GALNT3: variants seen among roughly 807,000 people sequenced by gnomAD.
The protein encoded by GALNT3 is polypeptide N-acetylgalactosaminyltransferase 3.
GALNT3 carries 51 observed loss-of-function variants against 69.8 expected under a neutral mutation model. The ratio of observed to expected loss-of-function variants is 0.73; its 90% CI spans 0.58 to 0.92. The LOEUF is 0.92. Among genes scored for constraint, GALNT3 ranks in the 40% least tolerant of loss-of-function variants. The pLI is 0.00. For synonymous variants in GALNT3, 265 were observed against 248.5 expected (o/e 1.07, Z -0.63); for missense variants, 711 against 760.0 (o/e 0.94, Z 0.76).
intron 3 of GALNT3, among the ~76,000 whole-genome samples, chr2:165,763,952 G>T (rs564410282): frequency 6.6e-6 from 1 of 152,216 alleles, no homozygotes; most frequent in African/African-American, 2.4e-5. Flanking sequence ...ACCATCACAA[G>T]ACATTGCTGG....
intron 1 of GALNT3, among the ~76,000 whole-genome samples, chr2:165,785,288 A>T (rs1390032195): frequency 6.6e-6 from 1 of 152,230 alleles, no homozygotes; most frequent in Non-Finnish European, 1.5e-5. Context: ...ATATGCTGAT[A>T]TGAAATGATC....
intron 1 of GALNT3, among the ~76,000 whole-genome samples, chr2:165,779,704 TAA>T (rs1683062412): frequency 6.6e-6 from 1 of 152,002 alleles, no homozygotes; most frequent in African/African-American, 2.4e-5. Flanking sequence ...AACCTAGATA[TAA>T]GAGGCAAAGA....
Position 165,770,505 on chromosome 2 carries a change from T to A in GALNT3, c.196A>T (p.Met66Leu), listed in dbSNP as rs1442207768. 1 of 1,614,228 alleles carries A rather than the reference T, an allele frequency of 6.2e-7. No homozygotes were observed. Among genetic ancestry groups the A allele is most frequent in the Non-Finnish European group, 8.5e-7 (1 of 1,180,028 alleles). Residue 66 changes from methionine to leucine, a missense_variant, in exon 2 of 11, where the codon ATG (methionine) becomes TTG (leucine). By Grantham distance (15) the Met-to-Leu change is conservative. Transcript: ENST00000392701. ...TTAATATTGTTTACAGCTTCTAGCA[T>A]TAAATCCAACATCTTGTTTTTGTTT... ...MKNKNKMLDL[M>L]LEAVNNIKDA...
At chr2:165,779,933 T>C (rs1683067132) in intron 1 of GALNT3, among the ~76,000 whole-genome samples, 1 of 152,120 alleles carries the variant, frequency 6.6e-6, no homozygotes. Flanking sequence ...GGCAAATCCA[T>C]ATGTAGAATA....
chr2:165,767,740 T>A (rs1241835987), intron 2 of GALNT3, among the ~76,000 whole-genome samples: 1 of 152,162 alleles, frequency 6.6e-6, no homozygotes, highest in Non-Finnish European at 1.5e-5. Flanking sequence ...GCTTAAATTA[T>A]CAGTCACATG....
Position 165,762,045 on chromosome 2 carries a change from T to A in GALNT3, c.698A>T (p.His233Leu), listed in dbSNP as rs756853934. The A allele has an allele frequency of 6.4e-7, 1 of 1,554,364 alleles. No homozygotes were observed. The highest frequency in any genetic ancestry group is 1.1e-5 in the South Asian group (1 of 89,850). Reference protein sequence around the residue: ...VDDASVDEYLHDKLDEYVKQF... With the variant: ...VDDASVDEYLLDKLDEYVKQF... Reference sequence around the variant, plus strand: ...TTTTACATATTCATCTAGTTTATCATGTAAGTACTCTGTAAGGAAAAAAAA... The same window carrying A: ...TTTTACATATTCATCTAGTTTATCAAGTAAGTACTCTGTAAGGAAAAAAAA... Residue 233 changes from histidine to leucine, a missense_variant, in exon 4 of 11, where the codon CAT becomes CTT. His to Leu is a moderately conservative substitution (Grantham distance 99, BLOSUM62 -3). Transcript: ENST00000392701.
chr2:165,793,029 C>T (rs1448536160), intron 1 of GALNT3, among the ~76,000 whole-genome samples: 1 of 152,046 alleles, frequency 6.6e-6, no homozygotes, highest in African/African-American at 2.4e-5. Context: ...ATATTGGTAA[C>T]TCGATGGGGT....
At chr2:165,769,935 C>G (rs918146577) in intron 2 of GALNT3, among the ~76,000 whole-genome samples, 13 of 152,134 alleles carry the variant, frequency 8.5e-5, no homozygotes, top group African/African-American at 3.1e-4. Flanking sequence ...GGATAGCAGT[C>G]AGATCTAGAA....
chr2:165,790,213 C>T (rs1683314780), intron 1 of GALNT3, among the ~76,000 whole-genome samples: 1 of 152,176 alleles, frequency 6.6e-6, no homozygotes, highest in Non-Finnish European at 1.5e-5. Context: ...AATATTCTCT[C>T]TTTAGTGCCA....
chr2:165,788,162 A>G (rs960755703), intron 1 of GALNT3, among the ~76,000 whole-genome samples: 2 of 151,952 alleles, frequency 1.3e-5, no homozygotes, highest in Non-Finnish European at 2.9e-5. Context: ...CCCCGTCTCT[A>G]TTAAAAATAC....
At chr2:165,768,949 C>G (rs1210743514) in intron 2 of GALNT3, among the ~76,000 whole-genome samples, 1 of 151,508 alleles carries the variant, frequency 6.6e-6, no homozygotes, top group Non-Finnish European at 1.5e-5. Flanking sequence ...CACACGGCAC[C>G]CTGTCCGGCT....
chr2:165,757,160 T>C lies in GALNT3; in HGVS notation c.1279A>G (p.Lys427Glu). 3 of 1,614,122 alleles carry C rather than the reference T, an allele frequency of 1.9e-6. No individual in the cohort carries two copies. The highest frequency in any genetic ancestry group is 2.5e-6 in the Non-Finnish European group (3 of 1,179,968). ...TTTCTAGCAATCACCTGAGTGCCTTTTGGAAAGCTATGAGGGCTTTTGCTG... is the reference window on the plus strand; with the variant it reads ...TTTCTAGCAATCACCTGAGTGCCTTCTGGAAAGCTATGAGGGCTTTTGCTG... ...FRSKSPHSFP[K>E]GTQVIARNQV... The change falls in exon 7 of 11, where the codon AAA becomes GAA. Residue 427 changes from lysine (K) to glutamate (E), a missense_variant. Physicochemically the swap from Lys to Glu is moderately conservative, Grantham distance 56. Transcript: ENST00000392701.
chr2:165,781,625 G>A (rs1351061674), intron 1 of GALNT3, among the ~76,000 whole-genome samples: 1 of 151,020 alleles, frequency 6.6e-6, no homozygotes, highest in Non-Finnish European at 1.5e-5. Flanking sequence ...AAAGCCTATC[G>A]AGCATAGTGG....
rs761186167 is a variant in GALNT3 at position 165,764,961 on chromosome 2, G to C, written c.611C>G (p.Thr204Ser). The change falls in exon 3 of 11, where the codon ACT becomes AGT. Residue 204 changes from threonine (T) to serine (S), a missense_variant. By Grantham distance (58) the Thr-to-Ser change is moderately conservative (BLOSUM62 1). Coordinates refer to ENST00000392701, the MANE Select transcript of GALNT3 (RefSeq NM_004482.4). ...HNEAWSTLLR[T>S]VHSVLYSSPA... ...TGAAGAATAGAGCACACTGTGGACA[G>C]TTCTAAGCAACGTGGACCACGCTTC... The C allele has an allele frequency of 6.2e-7, 1 of 1,614,202 alleles. No homozygotes were observed. Among genetic ancestry groups the C allele is most frequent in the South Asian group, 1.1e-5 (1 of 91,090 alleles).
intron 4 of GALNT3, among the ~76,000 whole-genome samples, chr2:165,761,585 A>C (rs1480082252): frequency 7.2e-6 from 1 of 139,640 alleles, no homozygotes; most frequent in African/African-American, 2.6e-5. Context: ...CAAACAAACA[A>C]ACACTTTTTT....
intron 2 of GALNT3, among the ~76,000 whole-genome samples, chr2:165,769,212 C>A (rs1213696261): frequency 2.1e-5 from 3 of 144,294 alleles, no homozygotes; most frequent in African/African-American, 7.6e-5. Context: ...TCGAGACCAG[C>A]CTGGCCAACA....
chr2:165,767,869 CTTTTTTTT>C (rs34044047), intron 2 of GALNT3, among the ~76,000 whole-genome samples: 1 of 82,464 alleles, frequency 1.2e-5, no homozygotes, highest in African/African-American at 5.1e-5. Context: ...AAAAACAAAT[CTTTTTTTT>C]TTTTTTTTTT....
intron 7 of GALNT3, 56 bp from the exon 8 acceptor site, chr2:165,755,119 A>G (rs1356305867): frequency 1.1e-5 from 15 of 1,404,424 alleles, no homozygotes; most frequent in Non-Finnish European, 1.5e-5. Context: ...TTGATAAAGC[A>G]CTTAAAATAC....
chr2:165,790,561 A>G, intron 1 of GALNT3, among the ~76,000 whole-genome samples: 1 of 152,208 alleles, frequency 6.6e-6, no homozygotes, highest in Non-Finnish European at 1.5e-5. Context: ...GATGGACTAA[A>G]GAACTGAATA....
Sources: allele counts gnomAD v4.1 joint callset (sites outside exome capture counted in the v4.1 genomes callset), GRCh38; gene constraint gnomAD v4.1.1; transcripts MANE v1.5; gene names NCBI Gene and HGNC (gene_info 2026-07-23, HGNC 2026-07-21).